The following BMERB1 variants were observed in gnomAD, a reference collection of about 807,000 sequenced individuals.
The protein encoded by BMERB1 is bMERB domain-containing protein 1.
In BMERB1, 12 loss-of-function variants were observed where a neutral mutation model predicts 23.6. The ratio of observed to expected loss-of-function variants is 0.51; its 90% confidence interval spans 0.33 to 0.82. BMERB1 has a LOEUF of 0.82. Among genes scored for constraint, BMERB1 ranks in the 40% least tolerant of loss-of-function variants. The pLI, the probability that BMERB1 is intolerant of heterozygous loss-of-function variation, is 0.03. For synonymous variants in BMERB1, 122 were observed against 96.6 expected (o/e 1.26, Z -1.54); for missense variants, 247 against 255.4 (o/e 0.97, Z 0.22).
chr16:15,495,214 G>A (rs1016125519), intron 1 of BMERB1, among the ~76,000 whole-genome samples: 24 of 150,270 alleles, frequency 1.6e-4, no homozygotes, highest in Non-Finnish European at 1.2e-4. Flanking sequence ...TATTATTATT[G>A]TTGTTGTTTG....
chr16:15,549,579 T>C (rs1383093029), intron 2 of BMERB1, among the ~76,000 whole-genome samples: 1 of 151,262 alleles, frequency 6.6e-6, no homozygotes, highest in Non-Finnish European at 1.5e-5. Context: ...CTCAGGAGGC[T>C]GAGGCAGGAG....
intron 2 of BMERB1, among the ~76,000 whole-genome samples, chr16:15,534,561 A>T (rs2052007614): frequency 6.6e-6 from 1 of 152,118 alleles, no homozygotes; most frequent in South Asian, 2.1e-4. Flanking sequence ...CTTAAAAAAA[A>T]AGTCAATGTT....
At position 15,523,219 on chromosome 16, in the gene BMERB1, T is replaced by G. The variant is rs190623560; in HGVS notation, c.230+7791T>G. ...ATGTGCTCTTCTGCCAGCGTGTTCC[T>G]CTTGACGTCTTCTTGACATCCAGAC... On this transcript the variant is annotated intron_variant, in intron 2 of 5. Transcript: ENST00000300006. Among the ~76,000 whole-genome samples, 3 of 152,280 alleles carry G rather than the reference T, an allele frequency of 2.0e-5. No individual in the cohort carries two copies. The East Asian group carries it at 5.8e-4, about 29-fold the overall frequency.
chr16:15,516,178 C>A (rs1489848534), intron 2 of BMERB1, among the ~76,000 whole-genome samples: 2 of 152,090 alleles, frequency 1.3e-5, no homozygotes, highest in African/African-American at 4.8e-5. Context: ...AATCACAGCA[C>A]TTTGGGAGGC....
In BMERB1 at chr16:15,434,805, C is replaced by A. The variant is rs375756886; in HGVS notation, c.106+46C>A. 180 of 1,401,340 alleles carry A rather than the reference C, an allele frequency of 1.3e-4. No homozygotes were observed. In the African/African-American group the frequency reaches 2.5e-3, roughly 19 times the overall value. The allele number at this position is 1,401,340 out of a possible 1,614,324, so 86.8% of individuals were successfully genotyped here. A position where few individuals can be genotyped will look rare whatever the true frequency, so the allele number is the denominator to read the frequency against. On this transcript the variant is annotated intron_variant, in intron 1 of 5. Coordinates refer to ENST00000300006, the MANE Select transcript of BMERB1 (RefSeq NM_033201.3). ...CGGGGGGCCGGGGACAGCTGGGGAT[C>A]CATGCGCCTGCGCGGGTGGTCGCGG...
intron 2 of BMERB1, among the ~76,000 whole-genome samples, chr16:15,523,264 A>ATCTGCAGCTCTTGACG (rs1444205388): frequency 3.3e-5 from 5 of 152,090 alleles, no homozygotes; most frequent in African/African-American, 1.2e-4. Context: ...TTCTTTGCCG[A>ATCTGCAGCTCTTGACG]TCTGCAGCTC....
chr16:15,541,930 G>A lies in BMERB1; in HGVS notation c.231-26053G>A, dbSNP rs192446029. On this transcript the variant is annotated intron_variant, in intron 2 of 5. Transcript: ENST00000300006. The stretch of plus-strand genomic sequence containing the variant: ...ATTTTTTTTTTTTTTTTTTTTGGTA[G>A]AGATGGAGTCTTGCTATGTTGTGCA... 1.8e-3 allele frequency among the ~76,000 whole-genome samples: 254 copies of A among 140,768 alleles called. 1 individual carries two copies. Among genetic ancestry groups the A allele is most frequent in the Middle Eastern group, 0.016 (4 of 258 alleles). 92.3% of individuals were successfully genotyped at this position (140,768 alleles called of 152,430 possible).
At chr16:15,586,185 A>T (rs1448220705) in intron 5 of BMERB1, among the ~76,000 whole-genome samples, 1 of 152,166 alleles carries the variant, frequency 6.6e-6, no homozygotes, top group Admixed American at 6.5e-5. Flanking sequence ...GCACAAAGAG[A>T]AAAAGAGATG....
At chr16:15,533,516 T>G (rs1330561388) in intron 2 of BMERB1, among the ~76,000 whole-genome samples, 1 of 152,042 alleles carries the variant, frequency 6.6e-6, no homozygotes, top group Non-Finnish European at 1.5e-5. Flanking sequence ...TGCGTCAGCC[T>G]TCTGAGTAGC....
chr16:15,437,767 G>A (rs2050900852), intron 1 of BMERB1, among the ~76,000 whole-genome samples: 1 of 152,076 alleles, frequency 6.6e-6, no homozygotes, highest in Admixed American at 6.6e-5. Flanking sequence ...GACCATCCTG[G>A]CTAACACGGT....
chr16:15,448,830 G>T (rs1285454999), intron 1 of BMERB1, among the ~76,000 whole-genome samples: 2 of 152,068 alleles, frequency 1.3e-5, no homozygotes, highest in Non-Finnish European at 2.9e-5. Context: ...TCCTGATGCT[G>T]CCGTGAGATT....
chr16:15,485,980 G>T (rs897339500), intron 1 of BMERB1, among the ~76,000 whole-genome samples: 6 of 152,140 alleles, frequency 3.9e-5, no homozygotes, highest in African/African-American at 1.4e-4. Flanking sequence ...AGTGGCTCAT[G>T]CCTGTAATCC....
intron 1 of BMERB1, among the ~76,000 whole-genome samples, chr16:15,487,341 T>A (rs1387679544): frequency 6.6e-6 from 1 of 152,204 alleles, no homozygotes; most frequent in African/African-American, 2.4e-5. Context: ...GCCTTTAATA[T>A]CTTAGTTTAT....
intron 1 of BMERB1, among the ~76,000 whole-genome samples, chr16:15,454,790 TAA>T (rs11452641): frequency 6.9e-6 from 1 of 144,150 alleles, no homozygotes; most frequent in Non-Finnish European, 1.5e-5. Context: ...AGACTCAGTC[TAA>T]AAAAAAAAAA....
chr16:15,494,518 C>T (rs2051454538), intron 1 of BMERB1, among the ~76,000 whole-genome samples: 1 of 152,134 alleles, frequency 6.6e-6, no homozygotes. Flanking sequence ...AAATAACACA[C>T]ACGTAATTCA....
At chr16:15,496,040 T>C (rs2051469555) in intron 1 of BMERB1, among the ~76,000 whole-genome samples, 1 of 151,714 alleles carries the variant, frequency 6.6e-6, no homozygotes. Context: ...ATGAAAGGGG[T>C]GGTAATGATG....
intron 2 of BMERB1, among the ~76,000 whole-genome samples, chr16:15,542,132 C>T (rs905726973): frequency 2.1e-5 from 3 of 143,902 alleles, no homozygotes; most frequent in African/African-American, 7.9e-5. Context: ...GGCATGATTG[C>T]GGCTCACTGC....
At chr16:15,444,108 C>A (rs999201010) in intron 1 of BMERB1, among the ~76,000 whole-genome samples, 2 of 78,180 alleles carry the variant, frequency 2.6e-5, no homozygotes, top group African/African-American at 1.1e-4. Context: ...AGGCCAGGGT[C>A]CAGGCACCAG....
At chr16:15,522,216 T>C (rs572124852) in intron 2 of BMERB1, among the ~76,000 whole-genome samples, 1 of 152,282 alleles carries the variant, frequency 6.6e-6, no homozygotes, top group East Asian at 1.9e-4. Context: ...CAGGTTTTAA[T>C]CAGCCAGAGA....
Sources: gnomAD v4.1 joint callset for allele counts (sites outside exome capture counted in the v4.1 genomes callset) on GRCh38, gnomAD v4.1.1 for gene constraint, MANE v1.5 for transcripts, NCBI Gene and HGNC (gene_info 2026-07-23, HGNC 2026-07-21) for gene names.